The following DENND3 variants were observed in gnomAD, a reference collection of about 807,000 sequenced individuals.
DENND3 encodes the protein DENN domain containing 3, also known as DENN domain-containing protein 3.
In DENND3, 88 loss-of-function variants were observed where a neutral mutation model predicts 135.1. The observed-to-expected ratio is 0.65, with a 90% CI of 0.55 to 0.78. The LOEUF is 0.78. Among genes scored for constraint, DENND3 ranks in the 30% least tolerant of loss-of-function variants. DENND3 has a pLI of 0.00. For synonymous variants in DENND3, 693 were observed against 712.3 expected, an observed-to-expected ratio of 0.97 and a Z score of 0.43; for missense variants, 1,392 against 1,688.4, an observed-to-expected ratio of 0.82 and a Z score of 3.08.
rs973582853 is a variant in DENND3 at position 141,137,075 on chromosome 8, G to A, written c.385+284G>A. On this transcript the variant is annotated intron_variant, in intron 2 of 22. Coordinates refer to ENST00000519811, the MANE Select transcript of DENND3 (RefSeq NM_001352890.3). This position sits in a 1 kb window ranked among gnomAD's most constrained non-coding sequence, Gnocchi z 4.1. ...TTTCACTTCATCCTCTGCCTCCTGG[G>A]TTCAAGTGATTCTTCTGCGTCAGCC... is the stretch of plus-strand genomic sequence containing the variant. Among the ~76,000 whole-genome samples the A allele has an allele frequency of 1.3e-5, 2 of 152,090 alleles. No individual in the cohort carries two copies. Among genetic ancestry groups the A allele is most frequent in the Non-Finnish European group, 2.9e-5 (2 of 68,034 alleles).
chr8:141,161,955 C>A (rs1820191867), intron 9 of DENND3, among the ~76,000 whole-genome samples: 1 of 152,054 alleles, frequency 6.6e-6, no homozygotes, highest in African/African-American at 2.4e-5. Context: ...CGCCTGCCAC[C>A]ACCACGCCTA....
chr8:141,181,939 C>T (rs574392909), intron 17 of DENND3, among the ~76,000 whole-genome samples: 143 of 152,072 alleles, frequency 9.4e-4, no homozygotes, highest in African/African-American at 3.3e-3. Context: ...AATCCAGGCA[C>T]GTGCCACCGA....
In DENND3 at chr8:141,141,458, G is replaced by T; in HGVS notation, c.623+134G>T. The T allele has an allele frequency of 9.2e-7, 1 of 1,085,096 alleles. No individual in the cohort carries two copies. The highest frequency in any genetic ancestry group is 1.3e-6 in the Non-Finnish European group (1 of 759,512). 67.2% of individuals were successfully genotyped at this position (1,085,096 alleles called of 1,614,324 possible). ...TCCTCTCCTGGTGAGCCGGGGGACC[G>T]GGCGCTGGGGGCAGTAGGAGGGGCA... On this transcript the variant is annotated intron_variant, in intron 4 of 22. Coordinates refer to ENST00000519811, the MANE Select transcript of DENND3 (RefSeq NM_001352890.3). The surrounding 1 kb of genome is among the most constrained non-coding windows in gnomAD (Gnocchi z 5.3).
chr8:141,160,776 G>A lies in DENND3; in HGVS notation c.1341G>A (p.Val447=). 1 of 1,610,354 alleles carries A rather than the reference G, an allele frequency of 6.2e-7. No homozygotes were observed. The highest frequency in any genetic ancestry group is 8.5e-7 in the Non-Finnish European group (1 of 1,177,612). The change falls in exon 9 of 23, where the codon GTG becomes GTA. Residue 447 remains valine, a synonymous_variant. Coordinates refer to ENST00000519811, the MANE Select transcript of DENND3 (RefSeq NM_001352890.3). The part of the protein sequence containing the change: ...QIQQTTLQLL[V]SIFRDVKNHL... ...AGCAGACCACCCTGCAGCTGCTCGT[G>A]AGCATCTTCAGGTACGTGAGAGAAC...
intron 8 of DENND3, chr8:141,158,246 G>A: frequency 4.7e-6 from 6 of 1,289,624 alleles, no homozygotes; most frequent in Non-Finnish European, 6.1e-6. Context: ...CGCGAACTTT[G>A]AAGGAGACAC....
rs776159289 is a variant in DENND3, at chr8:141,150,845, G to T, written c.747G>T (p.Met249Ile). Residue 249 changes from methionine to isoleucine, a missense_variant, in exon 6 of 23, where the codon ATG becomes ATT. Transcript: ENST00000519811. ...PPGPLHLVFN[M>I]KSLQIVLPAR... ...ACTGGTTGTCGTAGGTATTTAACAT[G>T]AAGTCGCTCCAGATTGTGTTACCTG... is the stretch of plus-strand genomic sequence containing the variant. 1.2e-6 allele frequency: 2 copies of T among 1,601,326 alleles called. No homozygotes were observed. The highest frequency in any genetic ancestry group is 1.7e-6 in the Non-Finnish European group (2 of 1,175,926).
Position 141,141,612 on chromosome 8 carries a change from G to T in DENND3, c.623+288G>T. The T allele has an allele frequency of 2.3e-6, 1 of 434,892 alleles. No individual in the cohort carries two copies. The highest frequency in any genetic ancestry group is 4.2e-6 in the Non-Finnish European group (1 of 239,228). The allele number at this position is 434,892 out of a possible 1,614,324, so 26.9% of individuals were successfully genotyped here. ...GGTAGGAAAGGGATGAAGCCACACT[G>T]TCGGAAGTAAGGTTGATGTTCAGGA... On this transcript the variant is annotated intron_variant, in intron 4 of 22. Transcript: ENST00000519811. This position sits in a 1 kb window ranked among gnomAD's most constrained non-coding sequence, Gnocchi z 5.3.
chr8:141,171,448 A>G (rs1313677518), intron 13 of DENND3, among the ~76,000 whole-genome samples: 2 of 152,206 alleles, frequency 1.3e-5, no homozygotes, highest in African/African-American at 4.8e-5. Context: ...TGCAGAAGCA[A>G]GACGTCCATG....
In DENND3 at chr8:141,194,319, G is replaced by GGGGT; in HGVS notation, c.*89_*92dup. The GGGGT allele has an allele frequency of 6.7e-7, 1 of 1,490,648 alleles. No individual in the cohort carries two copies. Among genetic ancestry groups the GGGGT allele is most frequent in the South Asian group, 1.3e-5 (1 of 79,696 alleles). 92.3% of individuals were successfully genotyped at this position (1,490,648 alleles called of 1,614,324 possible). Reference sequence around the variant, plus strand: ...AGCCTGCCAGGAGCAGAAGCCTGGAGGGGTGGCAGGGCAGAGCAGCCCAGG... The same window carrying GGGGT: ...AGCCTGCCAGGAGCAGAAGCCTGGAGGGGTGGGTGGCAGGGCAGAGCAGCCCAGG... On this transcript the variant is annotated 3_prime_UTR_variant, in exon 23 of 23. Coordinates refer to ENST00000519811, the MANE Select transcript of DENND3 (RefSeq NM_001352890.3).
chr8:141,178,041 T>C lies in DENND3; in HGVS notation c.2707-26T>C, dbSNP rs137915108. On this transcript the variant is annotated intron_variant, in intron 15 of 22. Coordinates refer to ENST00000519811, the MANE Select transcript of DENND3 (RefSeq NM_001352890.3). The stretch of plus-strand genomic sequence containing the variant: ...ACTGATCTTAGTGATTCTTGCTGTT[T>C]TGAAACGCACGTGTTTCTGTTGTAG... 60 of 1,586,388 alleles carry C rather than the reference T, an allele frequency of 3.8e-5. No individual in the cohort carries two copies. The Middle Eastern group carries it at 1.0e-3, about 27-fold the overall frequency.
intron 1 of DENND3, among the ~76,000 whole-genome samples, chr8:141,134,394 A>C (rs1479874042): frequency 6.6e-6 from 1 of 151,226 alleles, no homozygotes; most frequent in Non-Finnish European, 1.5e-5. Context: ...TCCCGGGTTC[A>C]CGCCATTCTC....
Position 141,192,392 on chromosome 8 carries a change from T to G in DENND3, c.3441T>G (p.Ile1147Met). 1.2e-6 allele frequency: 2 copies of G among 1,614,180 alleles called. No individual in the cohort carries two copies. Among genetic ancestry groups the G allele is most frequent in the Non-Finnish European group, 1.7e-6 (2 of 1,180,014 alleles). ...MNGSLHQELK[I>M]EENFKDTSTS... is the part of the protein sequence containing the mutation. ...GATCCCTCCATCAAGAATTGAAGAT[T>G]GAGGAGAACTTCAAAGACACCAGTA... Residue 1147 changes from isoleucine (I) to methionine (M), a missense_variant, in exon 21 of 23, where the codon ATT (isoleucine) becomes ATG (methionine). Ile to Met is a conservative substitution (Grantham distance 10). Transcript: ENST00000519811.
In DENND3 at chr8:141,128,740, G is replaced by T; in HGVS notation, c.33G>T (p.Leu11=). The change falls in exon 1 of 23, where the codon CTG becomes CTT. Residue 11 remains leucine (L), a synonymous_variant. Coordinates refer to ENST00000519811, the MANE Select transcript of DENND3 (RefSeq NM_001352890.3). This position sits in a 1 kb window ranked among gnomAD's most constrained non-coding sequence, Gnocchi z 4.5. ...AGGCCGCGTCGCCGCACTTGTCGCTGCCCTCGGGGCTGCTGGAGCTCTGCG... is the reference window on the plus strand; with the variant it reads ...AGGCCGCGTCGCCGCACTTGTCGCTTCCCTCGGGGCTGCTGGAGCTCTGCG... MAEAASPHLS[L]PSGLLELCAL... is the part of the protein sequence containing the mutation. 1 of 1,446,402 alleles carries T rather than the reference G, an allele frequency of 6.9e-7. No individual in the cohort carries two copies. Among genetic ancestry groups the T allele is most frequent in the Non-Finnish European group, 9.1e-7 (1 of 1,101,748 alleles). 89.6% of individuals were successfully genotyped at this position (1,446,402 alleles called of 1,614,324 possible). A position where few individuals can be genotyped will look rare whatever the true frequency, so the allele number is the denominator to read the frequency against.
At chr8:141,181,975 G>A (rs1823187389) in intron 17 of DENND3, among the ~76,000 whole-genome samples, 1 of 152,058 alleles carries the variant, frequency 6.6e-6, no homozygotes, top group African/African-American at 2.4e-5. Context: ...AAAATTTTGT[G>A]TAGAGACGGG....
At chr8:141,188,174 A>G (rs1219384559) in intron 18 of DENND3, among the ~76,000 whole-genome samples, 1 of 151,952 alleles carries the variant, frequency 6.6e-6, no homozygotes. Flanking sequence ...GCAGTGAGCC[A>G]TGATCATGCC....
In DENND3 at chr8:141,194,685, A is replaced by G. The variant is rs1379933331; in HGVS notation, c.*452A>G. ...ATCACCGAGGAACACTGGGCTGAGC[A>G]CATGACAGGGAGCCTGGAGCCCCGG... On this transcript the variant is annotated 3_prime_UTR_variant, in exon 23 of 23. Transcript: ENST00000519811. 1 of 168,164 alleles carries G rather than the reference A, an allele frequency of 5.9e-6. No homozygotes were observed. The highest frequency in any genetic ancestry group is 1.3e-5 in the Non-Finnish European group (1 of 76,422). 10.4% of individuals were successfully genotyped at this position (168,164 alleles called of 1,614,324 possible).
At chr8:141,187,259 A>ATTTTTT (rs34600380) in intron 18 of DENND3, among the ~76,000 whole-genome samples, 1 of 144,384 alleles carries the variant, frequency 6.9e-6, no homozygotes, top group East Asian at 2.0e-4. Context: ...GGCTGGTACC[A>ATTTTTT]TTTTTTTTTT....
chr8:141,193,236 G>C (rs556809807), intron 22 of DENND3: 1 of 168,044 alleles, frequency 6.0e-6, no homozygotes, highest in South Asian at 1.3e-4. Flanking sequence ...TATGGATTTG[G>C]GGGGACACTG....
chr8:141,131,012 T>C (rs1377488960), intron 1 of DENND3, among the ~76,000 whole-genome samples: 1 of 152,178 alleles, frequency 6.6e-6, no homozygotes, highest in African/African-American at 2.4e-5. Context: ...ACCTTGACTT[T>C]TACAAATCCC....
Sources: gnomAD v4.1 joint callset for allele counts (sites outside exome capture counted in the v4.1 genomes callset) on GRCh38, gnomAD v4.1.1 for gene constraint, Gnocchi (gnomAD v3.1) non-coding constraint, MANE v1.5 for transcripts, NCBI Gene and HGNC (gene_info 2026-07-23, HGNC 2026-07-21) for gene names.